The following ZNF518A variants were observed in gnomAD, a reference collection of about 807,000 sequenced individuals.
ZNF518A encodes zinc finger protein 518A.
Under a neutral mutation model 102.7 loss-of-function variants are expected in ZNF518A, and 47 were observed. That is an observed-to-expected ratio of 0.46 (90% CI 0.36 to 0.58). ZNF518A has a LOEUF of 0.58. ZNF518A is among the 20% of genes least tolerant of loss of function. ZNF518A has a pLI of 0.00. For missense variants in ZNF518A, 1,793 were observed against 1,699.8 expected (o/e 1.05, Z -0.96); for synonymous variants, 652 against 594.6 (o/e 1.10, Z -1.40).
At chr10:96,136,144 C>T (rs1205510110) in intron 3 of ZNF518A, among the ~76,000 whole-genome samples, 5 of 151,814 alleles carry the variant, frequency 3.3e-5, no homozygotes, top group Non-Finnish European at 5.9e-5. Flanking sequence ...AATTTTGGCC[C>T]TTTCTACTAA....
At position 96,161,257 on chromosome 10, in the gene ZNF518A, C is replaced by T. The variant is rs74457030; in HGVS notation, c.*483C>T. 8,480 of 167,694 alleles carry T rather than the reference C, an allele frequency of 0.051. 290 individuals are homozygous for T. Among genetic ancestry groups the T allele is most frequent in the Middle Eastern group, 0.088 (26 of 296 alleles). 10.4% of individuals were successfully genotyped at this position (167,694 alleles called of 1,614,324 possible). A position where few individuals can be genotyped will look rare whatever the true frequency, so the allele number is the denominator to read the frequency against. ...TGAGAGAACCTGGGTAAAGAAGTCA[C>T]TCTATATCTGCTAAATATAGTTATT... On this transcript the variant is annotated 3_prime_UTR_variant, in exon 6 of 6. Coordinates refer to ENST00000316045, the MANE Select transcript of ZNF518A (RefSeq NM_001330736.2).
intron 1 of ZNF518A, among the ~76,000 whole-genome samples, chr10:96,131,792 C>T (rs954089189): frequency 2.6e-5 from 4 of 152,154 alleles, no homozygotes; most frequent in African/African-American, 9.7e-5. Flanking sequence ...GGATTCTGTT[C>T]TAGTCTCTCT....
chr10:96,139,439 A>AG (rs1554875677), intron 3 of ZNF518A, among the ~76,000 whole-genome samples: 2 of 151,986 alleles, frequency 1.3e-5, no homozygotes, highest in Non-Finnish European at 2.9e-5. Flanking sequence ...TATAAAAGAG[A>AG]CCCCAGAGGG....
intron 1 of ZNF518A, among the ~76,000 whole-genome samples, chr10:96,176,454 CA>C (rs1554891489): frequency 1.3e-5 from 2 of 152,172 alleles, no homozygotes. Flanking sequence ...GCGGGAAAAG[CA>C]TGAAGAAAAC....
intron 1 of ZNF518A, among the ~76,000 whole-genome samples, chr10:96,178,931 G>A (rs943552033): frequency 3.3e-5 from 5 of 151,996 alleles, no homozygotes; most frequent in South Asian, 4.2e-4. Flanking sequence ...ACCTTCACAC[G>A]AAGAAAGCTC....
At chr10:96,186,881 A>G (rs1661715977) in intron 1 of ZNF518A, among the ~76,000 whole-genome samples, 1 of 152,196 alleles carries the variant, frequency 6.6e-6, no homozygotes, top group Non-Finnish European at 1.5e-5. Context: ...GGTCATTCAC[A>G]TATTTAGTAG....
At position 96,157,978 on chromosome 10, in the gene ZNF518A, T is replaced by C; in HGVS notation, c.1656T>C (p.Ser552=). The C allele has an allele frequency of 6.2e-7, 1 of 1,613,808 alleles. No homozygotes were observed. Among genetic ancestry groups the C allele is most frequent in the Non-Finnish European group, 8.5e-7 (1 of 1,179,798 alleles). ...QTMDYEKSVS[S]LSATSELVTA... ...TGGATTATGAGAAAAGTGTATCTTC[T>C]TTGTCAGCAACATCAGAATTGGTTA... The change falls in exon 6 of 6, where the codon TCT becomes TCC. Residue 552 remains serine, a synonymous_variant. Transcript: ENST00000316045.
intron 1 of ZNF518A, among the ~76,000 whole-genome samples, chr10:96,177,717 C>G (rs1288525196): frequency 6.6e-6 from 1 of 151,948 alleles, no homozygotes; most frequent in East Asian, 1.9e-4. Flanking sequence ...CTCAAGCCAA[C>G]AGAAGGCACA....
intron 3 of ZNF518A, among the ~76,000 whole-genome samples, chr10:96,152,961 A>C (rs1330903325): frequency 6.6e-6 from 1 of 152,202 alleles, no homozygotes; most frequent in Non-Finnish European, 1.5e-5. Context: ...TGATGTGATT[A>C]TGGGGGCTGA....
In ZNF518A at chr10:96,159,637, T is replaced by C; in HGVS notation, c.3315T>C (p.Val1105=). 2 of 1,613,802 alleles carry C rather than the reference T, an allele frequency of 1.2e-6. No homozygotes were observed. ...TCTTGCCTGATGGCAAACAAGCTGT[T>C]TTTTTAAAGTGTGTGATGCCAAATA... ...YTFLPDGKQA[V]FLKCVMPNKT... is the part of the protein sequence containing the mutation. Residue 1105 remains valine, a synonymous_variant, in exon 6 of 6, where the codon GTT becomes GTC. Coordinates refer to ENST00000316045, the MANE Select transcript of ZNF518A (RefSeq NM_001330736.2).
intron 1 of ZNF518A, among the ~76,000 whole-genome samples, chr10:96,199,262 G>A (rs1447330419): frequency 6.6e-6 from 1 of 152,152 alleles, no homozygotes; most frequent in Non-Finnish European, 1.5e-5. Context: ...AAGAGAGAAA[G>A]AAAAAGTGTC....
chr10:96,203,208 G>A (rs1395722274), intron 1 of ZNF518A, among the ~76,000 whole-genome samples: 2 of 151,922 alleles, frequency 1.3e-5, no homozygotes, highest in South Asian at 2.1e-4. Flanking sequence ...TTTGAAAAAC[G>A]GTAAAAGGTA....
intron 1 of ZNF518A, among the ~76,000 whole-genome samples, chr10:96,173,014 T>A (rs923985021): frequency 1.1e-4 from 16 of 152,174 alleles, no homozygotes; most frequent in African/African-American, 3.6e-4. Context: ...ACAGACTTTT[T>A]TTCTTATTCC....
intron 1 of ZNF518A, among the ~76,000 whole-genome samples, chr10:96,183,619 C>T (rs186629211): frequency 2.3e-3 from 353 of 152,198 alleles, no homozygotes; most frequent in South Asian, 9.4e-3. Context: ...TGTAGTTGAG[C>T]GGTTTTGAGT....
intron 1 of ZNF518A, among the ~76,000 whole-genome samples, chr10:96,169,493 CTG>C (rs1279666209): frequency 1.3e-5 from 2 of 152,198 alleles, no homozygotes; most frequent in African/African-American, 4.8e-5. Flanking sequence ...TGCTTTTCAA[CTG>C]TAGAATTTCA....
intron 3 of ZNF518A, among the ~76,000 whole-genome samples, chr10:96,142,356 T>TGTG: frequency 7.8e-6 from 1 of 127,940 alleles, no homozygotes; most frequent in Non-Finnish European, 1.7e-5. Flanking sequence ...GTGTGTGTGT[T>TGTG]TCTAGATTCC....
chr10:96,198,545 A>G (rs2083535501), intron 1 of ZNF518A, among the ~76,000 whole-genome samples: 1 of 152,244 alleles, frequency 6.6e-6, no homozygotes, highest in South Asian at 2.1e-4. Context: ...ATAGAAGGGC[A>G]AGAAAGTCAC....
rs2083058313 is a variant in ZNF518A at position 96,163,014 on chromosome 10, T to C, written c.*2240T>C. The C allele has an allele frequency of 6.6e-6, 1 of 152,136 alleles. No individual in the cohort carries two copies. Among genetic ancestry groups the C allele is most frequent in the Non-Finnish European group, 1.6e-5 (1 of 62,836 alleles). The allele number at this position is 152,136 out of a possible 1,614,324, so 9.4% of individuals were successfully genotyped here. ...AAATTAAAATGCTCTGTTTGTTACA[T>C]ATAGATCTGTTATGAGACATCACCT... On this transcript the variant is annotated 3_prime_UTR_variant, in exon 6 of 6. Transcript: ENST00000316045.
intron 1 of ZNF518A, chr10:96,196,796 A>G (rs2083477660): frequency 9.4e-7 from 1 of 1,064,262 alleles, no homozygotes; most frequent in Admixed American, 2.0e-5. Flanking sequence ...TGCAAGCATT[A>G]GAACAAGTAC....
Sources: gnomAD v4.1 joint callset for allele counts (sites outside exome capture counted in the v4.1 genomes callset) on GRCh38, gnomAD v4.1.1 for gene constraint, MANE v1.5 for transcripts, NCBI Gene and HGNC (gene_info 2026-07-23, HGNC 2026-07-21) for gene names.